The following KSR2 variants were observed in gnomAD, a reference collection of about 807,000 sequenced individuals.
KSR2 encodes kinase suppressor of ras 2.
KSR2 carries 25 observed loss-of-function variants against 107.8 expected under a neutral mutation model. That is an observed-to-expected ratio of 0.23 (90% confidence interval 0.17 to 0.32). The LOEUF (loss-of-function observed/expected upper bound fraction) is 0.32. Ranked by LOEUF, KSR2 falls within the 10% of genes least tolerant of loss-of-function variation. KSR2 has a pLI of 1.00. For synonymous variants in KSR2, 480 were observed against 507.0 expected (o/e 0.95, Z 0.71); for missense variants, 887 against 1,268.9 (o/e 0.70, Z 4.57).
chr12:117,951,839 A>G lies in KSR2; in HGVS notation c.180+16237T>C, dbSNP rs573309624. On this transcript the variant is annotated intron_variant, in intron 1 of 19. Transcript: ENST00000339824. The stretch of plus-strand genomic sequence containing the variant: ...GAATCCAACTCAACAGAAGGAGGAC[A>G]ATTCTAACCATCATAGGTTATCCAG... Among the ~76,000 whole-genome samples the G allele has an allele frequency of 1.3e-4, 20 of 152,298 alleles. No individual in the cohort carries two copies. In the South Asian group the frequency reaches 4.1e-3, roughly 32 times the overall value.
chr12:117,830,465 T>A (rs1891919617), intron 3 of KSR2, among the ~76,000 whole-genome samples: 1 of 151,822 alleles, frequency 6.6e-6, no homozygotes, highest in Non-Finnish European at 1.5e-5. Flanking sequence ...AATATACCAA[T>A]GTAACAAACC....
At chr12:117,851,981 A>G (rs1391412219) in intron 3 of KSR2, among the ~76,000 whole-genome samples, 1 of 152,138 alleles carries the variant, frequency 6.6e-6, no homozygotes, top group East Asian at 1.9e-4. Context: ...ATCATGCATA[A>G]GAAGGAGGAG....
intron 3 of KSR2, among the ~76,000 whole-genome samples, chr12:117,834,361 C>G (rs182187156): frequency 7.0e-6 from 1 of 142,500 alleles, no homozygotes; most frequent in East Asian, 2.0e-4. Context: ...TCCAGGGCAC[C>G]GTATGTTACT....
chr12:117,801,715 T>C (rs1223936978), intron 3 of KSR2, among the ~76,000 whole-genome samples: 2 of 152,060 alleles, frequency 1.3e-5, no homozygotes, highest in Non-Finnish European at 2.9e-5. Flanking sequence ...CAATCACCTC[T>C]CATCAGGCCC....
chr12:117,968,587 G>A lies in KSR2; in HGVS notation c.-332C>T. On this transcript the variant is annotated 5_prime_UTR_variant, in exon 1 of 20. Transcript: ENST00000339824. ...TGCTGTCTGTACACTTAGGGAGGAG[G>A]AGGAGGAGGAAAAAGAAGAGGAGAA... 1 of 653,912 alleles carries A rather than the reference G, an allele frequency of 1.5e-6. No homozygotes were observed. Among genetic ancestry groups the A allele is most frequent in the Non-Finnish European group, 2.0e-6 (1 of 494,706 alleles). The allele number at this position is 653,912 out of a possible 1,614,324, so 40.5% of individuals were successfully genotyped here.
chr12:117,462,852 C>T lies in KSR2; in HGVS notation c.*4347G>A, dbSNP rs1347132805. On this transcript the variant is annotated 3_prime_UTR_variant, in exon 20 of 20. Coordinates refer to ENST00000339824, the MANE Select transcript of KSR2 (RefSeq NM_173598.6). The stretch of plus-strand genomic sequence containing the variant: ...CGGGGATGGGAATAAAATCACAGAG[C>T]GTTGGAACCCTAATCTAATAAGATT... 2.6e-5 allele frequency: 4 copies of T among 152,156 alleles called. No individual in the cohort carries two copies. Among genetic ancestry groups the T allele is most frequent in the African/African-American group, 4.8e-5 (2 of 41,420 alleles). The allele number at this position is 152,156 out of a possible 1,614,324, so 9.4% of individuals were successfully genotyped here.
At chr12:117,578,601 CAAAAAAAAAAAA>C (rs66919524) in intron 7 of KSR2, among the ~76,000 whole-genome samples, 22 of 104,000 alleles carry the variant, frequency 2.1e-4, no homozygotes, top group South Asian at 3.2e-4. Flanking sequence ...GACTCCATCT[CAAAAAAAAAAAA>C]AAAAAAAAAA....
intron 16 of KSR2, among the ~76,000 whole-genome samples, chr12:117,478,156 T>C (rs1177545742): frequency 6.6e-6 from 1 of 152,186 alleles, no homozygotes; most frequent in Non-Finnish European, 1.5e-5. Context: ...TGAAGGTCTC[T>C]GTGGGGACCT....
chr12:117,734,753 C>CATGGATGGATGG (rs11269090), intron 4 of KSR2, among the ~76,000 whole-genome samples: 2 of 148,050 alleles, frequency 1.4e-5, no homozygotes, highest in Non-Finnish European at 3.0e-5. Flanking sequence ...TGCATGCATG[C>CATGGATGGATGG]ATGGATGGAT....
chr12:117,937,152 T>C (rs1895872238), intron 1 of KSR2, among the ~76,000 whole-genome samples: 1 of 152,230 alleles, frequency 6.6e-6, no homozygotes, highest in African/African-American at 2.4e-5. Context: ...AGTTCTCCTC[T>C]TAATCTGAGT....
chr12:117,613,688 T>C (rs1335302783), intron 5 of KSR2, among the ~76,000 whole-genome samples: 3 of 152,176 alleles, frequency 2.0e-5, no homozygotes, highest in African/African-American at 7.2e-5. Context: ...TCTCCCTTCC[T>C]CTCTTCAATG....
intron 10 of KSR2, among the ~76,000 whole-genome samples, chr12:117,535,432 T>C (rs1376247627): frequency 6.6e-6 from 1 of 152,074 alleles, no homozygotes; most frequent in African/African-American, 2.4e-5. Flanking sequence ...CACAGAGTGA[T>C]GAGCATAAAA....
chr12:117,487,853 G>A (rs1020535063), intron 14 of KSR2, among the ~76,000 whole-genome samples: 1 of 152,088 alleles, frequency 6.6e-6, no homozygotes, highest in African/African-American at 2.4e-5. Flanking sequence ...GACCTCAAGA[G>A]CTTCTGGAGA....
At chr12:117,573,736 C>T (rs1879061252) in intron 7 of KSR2, among the ~76,000 whole-genome samples, 1 of 151,848 alleles carries the variant, frequency 6.6e-6, no homozygotes, top group African/African-American at 2.4e-5. Context: ...ACCATGTTGG[C>T]CAGGCTGGTC....
At position 117,907,342 on chromosome 12, in the gene KSR2, A is replaced by G. The variant is rs752798068; in HGVS notation, c.181-46911T>C. Among the ~76,000 whole-genome samples, 10 of 152,308 alleles carry G rather than the reference A, an allele frequency of 6.6e-5. No individual in the cohort carries two copies. The highest frequency in any genetic ancestry group is 1.3e-4 in the Non-Finnish European group (9 of 68,034). On this transcript the variant is annotated intron_variant, in intron 1 of 19. Transcript: ENST00000339824. This position sits in a 1 kb window ranked among gnomAD's most constrained non-coding sequence, Gnocchi z 4.3. ...GAAACAGGTGCACTCTCTTTGAGCCAGGATTTATAAAGCTCAAGGAAATGA... is the reference window on the plus strand; with the variant it reads ...GAAACAGGTGCACTCTCTTTGAGCCGGGATTTATAAAGCTCAAGGAAATGA...
chr12:117,689,964 C>T (rs1377906079), intron 4 of KSR2, among the ~76,000 whole-genome samples: 1 of 149,006 alleles, frequency 6.7e-6, no homozygotes, highest in Non-Finnish European at 1.5e-5. Context: ...AGGAAGGAAA[C>T]AGGAAGGCAG....
chr12:117,478,462 A>G (rs1490370110), intron 16 of KSR2, among the ~76,000 whole-genome samples: 1 of 151,844 alleles, frequency 6.6e-6, no homozygotes, highest in Non-Finnish European at 1.5e-5. Context: ...CTGCTGAGAC[A>G]GTCTGTCTAT....
chr12:117,574,134 C>G (rs1355407923), intron 7 of KSR2, among the ~76,000 whole-genome samples: 5 of 152,082 alleles, frequency 3.3e-5, no homozygotes, highest in African/African-American at 1.2e-4. Context: ...AATAGACATT[C>G]TAGGAGTCTG....
At chr12:117,609,872 G>A (rs1881497997) in intron 5 of KSR2, among the ~76,000 whole-genome samples, 1 of 152,120 alleles carries the variant, frequency 6.6e-6, no homozygotes, top group Non-Finnish European at 1.5e-5. Context: ...CAGACACTAG[G>A]AGTGGAAAAT....
Sources: gnomAD v4.1 joint callset for allele counts (sites outside exome capture counted in the v4.1 genomes callset) on GRCh38, gnomAD v4.1.1 for gene constraint, Gnocchi (gnomAD v3.1) non-coding constraint, MANE v1.5 for transcripts, NCBI Gene and HGNC (gene_info 2026-07-23, HGNC 2026-07-21) for gene names.